The following KLB variants were observed in gnomAD, a reference collection of about 807,000 sequenced individuals.
KLB encodes beta-klotho.
KLB carries 44 observed loss-of-function variants against 88.4 expected under a neutral mutation model. The observed-to-expected ratio is 0.50, with a 90% CI of 0.39 to 0.64. The LOEUF (loss-of-function observed/expected upper bound fraction) is 0.64. KLB is among the 30% of genes least tolerant of loss of function. The pLI, the probability that KLB is intolerant of heterozygous loss-of-function variation, is 0.00. For missense variants in KLB, 1,137 were observed against 1,304.8 expected (o/e 0.87, Z 1.98); for synonymous variants, 548 against 513.4 (o/e 1.07, Z -0.91).
At chr4:39,436,781 C>T (rs1258643611) in intron 2 of KLB, among the ~76,000 whole-genome samples, 1 of 151,972 alleles carries the variant, frequency 6.6e-6, no homozygotes, top group Non-Finnish European at 1.5e-5. Flanking sequence ...ACAATCTTGG[C>T]TCACTGCAAT....
rs541494933 is a variant in KLB, at chr4:39,424,489, A to G, written c.826-9721A>G. ...CTAGGCTCCCTGACCCACCCAGGGC[A>G]TTTCTAGGGACGTAGGTAAGCAAGG... On this transcript the variant is annotated intron_variant, in intron 1 of 4. Coordinates refer to ENST00000257408, the MANE Select transcript of KLB (RefSeq NM_175737.4). 4.8e-4 allele frequency among the ~76,000 whole-genome samples: 73 copies of G among 151,832 alleles called. 1 individual carries two copies. The highest frequency in any genetic ancestry group is 1.6e-3 in the African/African-American group (64 of 41,134).
rs1466530389 is a variant in KLB, at chr4:39,446,647, C to G, written c.1921C>G (p.Leu641Val). Residue 641 changes from leucine to valine, a missense_variant, in exon 4 of 5, where the codon CTG (leucine) becomes GTG (valine). Coordinates refer to ENST00000257408, the MANE Select transcript of KLB (RefSeq NM_175737.4). The surrounding 1 kb of genome is among the most constrained non-coding windows in gnomAD (Gnocchi z 6.4). ...GCTTGGCATCTCCGCGATGGTCACC[C>G]TGTATTATCCGACCCACGCCCACCT... The part of the protein sequence containing the change: ...LKLGISAMVT[L>V]YYPTHAHLGL... 1 of 1,613,206 alleles carries G rather than the reference C, an allele frequency of 6.2e-7. No individual in the cohort carries two copies. The highest frequency in any genetic ancestry group is 8.5e-7 in the Non-Finnish European group (1 of 1,179,456).
Position 39,447,030 on chromosome 4 carries a change from G to T in KLB, c.2304G>T (p.Glu768Asp), listed in dbSNP as rs375388174. 6.2e-7 allele frequency: 1 copy of T among 1,611,686 alleles called. No individual in the cohort carries two copies. Among genetic ancestry groups the T allele is most frequent in the South Asian group, 1.1e-5 (1 of 91,080 alleles). Reference protein sequence around the residue: ...WRAAERFLQFEIAWFAEPLFK... With the variant: ...WRAAERFLQFDIAWFAEPLFK... ...CGGCCGAGCGCTTCCTGCAGTTCGA[G>T]ATCGCCTGGTTCGCCGAGCCGCTCT... Residue 768 changes from glutamate (E) to aspartate (D), a missense_variant, in exon 4 of 5, where the codon GAG becomes GAT. Glu to Asp is a conservative substitution (Grantham distance 45). Transcript: ENST00000257408.
At position 39,446,893 on chromosome 4, in the gene KLB, TG is replaced by T; in HGVS notation, c.2169del (p.Trp723CysfsTer64). 6.2e-7 allele frequency: 1 copy of T among 1,607,520 alleles called. No homozygotes were observed. The stretch of plus-strand genomic sequence containing the variant: ...CCTGCTGGTGGCCCACGCCCTGGCC[TG>T]GCGCCTCTACGACCGGCAGTTCAGG... Reference protein sequence around the residue: ...HNLLVAHALAWRLYDRQFRPS... With the variant: ...HNLLVAHALAXRLYDRQFRPS... On this transcript the variant is annotated frameshift_variant, in exon 4 of 5. Transcript: ENST00000257408. LOFTEE classifies it high-confidence loss of function. This position sits in a 1 kb window ranked among gnomAD's most constrained non-coding sequence, Gnocchi z 6.4.
intron 1 of KLB, among the ~76,000 whole-genome samples, chr4:39,429,028 G>C (rs933710945): frequency 2.0e-5 from 3 of 152,154 alleles, no homozygotes; most frequent in African/African-American, 7.2e-5. Flanking sequence ...TTTTAGCTGG[G>C]AAATATGTTT....
At chr4:39,443,589 C>A (rs1578214346) in intron 3 of KLB, among the ~76,000 whole-genome samples, 1 of 106,894 alleles carries the variant, frequency 9.4e-6, no homozygotes, top group Non-Finnish European at 1.9e-5. Flanking sequence ...AATCCTGTCT[C>A]TACAAAAAAA....
At chr4:39,433,669 G>A (rs1397483345) in intron 1 of KLB, among the ~76,000 whole-genome samples, 4 of 152,108 alleles carry the variant, frequency 2.6e-5, no homozygotes, top group African/African-American at 9.7e-5. Context: ...AGACCAGCCT[G>A]ACCAATATGG....
chr4:39,409,284 C>T (rs1304128555), intron 1 of KLB, among the ~76,000 whole-genome samples: 2 of 147,128 alleles, frequency 1.4e-5, no homozygotes, highest in Non-Finnish European at 3.0e-5. Flanking sequence ...TCATTTAGTC[C>T]TTTTAATTTT....
intron 1 of KLB, among the ~76,000 whole-genome samples, chr4:39,425,991 A>G (rs999954554): frequency 1.0e-4 from 15 of 145,126 alleles, no homozygotes; most frequent in African/African-American, 3.8e-4. Context: ...CTTGGCTCAC[A>G]CCTGTAATCC....
intron 1 of KLB, among the ~76,000 whole-genome samples, chr4:39,427,219 A>T (rs1410587485): frequency 6.6e-6 from 1 of 152,140 alleles, no homozygotes; most frequent in Non-Finnish European, 1.5e-5. Context: ...GCGGTGGTTC[A>T]TGCCTGTAAT....
At position 39,447,423 on chromosome 4, in the gene KLB, T is replaced by C. The variant is rs1358580598; in HGVS notation, c.2697T>C (p.Asp899=). The C allele has an allele frequency of 6.2e-7, 1 of 1,611,560 alleles. No homozygotes were observed. Among genetic ancestry groups the C allele is most frequent in the Non-Finnish European group, 8.5e-7 (1 of 1,178,846 alleles). The part of the protein sequence containing the change: ...ASGIDDQALE[D]DRLRKYYLGK... ...GCATCGACGACCAGGCTCTGGAGGA[T>C]GACCGGCTCCGGAAGTACTACCTAG... Residue 899 remains aspartate (D), a synonymous_variant, in exon 4 of 5, where the codon GAT becomes GAC. Coordinates refer to ENST00000257408, the MANE Select transcript of KLB (RefSeq NM_175737.4).
In KLB at chr4:39,445,896, C is replaced by G. The variant is rs138141724; in HGVS notation, c.1606-436C>G. On this transcript the variant is annotated intron_variant, in intron 3 of 4. Transcript: ENST00000257408. ...GTCATTGCCTACCCCACCGCACCAG[C>G]CTTTTTAAGGAATTGTGCCTGGGGT... Among the ~76,000 whole-genome samples, 430 of 152,184 alleles carry G rather than the reference C, an allele frequency of 2.8e-3. 2 individuals carry two copies. The highest frequency in any genetic ancestry group is 9.4e-3 in the African/African-American group (392 of 41,522).
At position 39,449,547 on chromosome 4, in the gene KLB, T is replaced by C. The variant is rs1743843079; in HGVS notation, c.*861T>C. The C allele has an allele frequency of 6.6e-6, 1 of 152,090 alleles. No individual in the cohort carries two copies. The highest frequency in any genetic ancestry group is 1.5e-5 in the Non-Finnish European group (1 of 68,024). The allele number at this position is 152,090 out of a possible 1,614,324, so 9.4% of individuals were successfully genotyped here. A position where few individuals can be genotyped will look rare whatever the true frequency, so the allele number is the denominator to read the frequency against. On this transcript the variant is annotated 3_prime_UTR_variant, in exon 5 of 5. Transcript: ENST00000257408. ...TTACAACACAGACTCTTAAAGAGGA[T>C]CAAGCCCTTCATTTTTCTAACAACA...
At chr4:39,443,422 T>C (rs1743658054) in intron 3 of KLB, among the ~76,000 whole-genome samples, 1 of 151,688 alleles carries the variant, frequency 6.6e-6, no homozygotes, top group African/African-American at 2.4e-5. Context: ...ATGTGCCATA[T>C]GGTAACTTTT....
intron 1 of KLB, among the ~76,000 whole-genome samples, chr4:39,412,478 C>T (rs540008067): frequency 3.3e-5 from 5 of 152,292 alleles, no homozygotes; most frequent in Middle Eastern, 6.8e-3. Context: ...TGGCCACTCT[C>T]CCATCCTCTT....
chr4:39,410,882 G>A (rs1011019126), intron 1 of KLB, among the ~76,000 whole-genome samples: 4 of 152,140 alleles, frequency 2.6e-5, no homozygotes, highest in Non-Finnish European at 5.9e-5. Context: ...GGTTTGAAAT[G>A]TTCCCATTTG....
At chr4:39,442,544 C>T (rs1378650045) in intron 3 of KLB, among the ~76,000 whole-genome samples, 1 of 151,860 alleles carries the variant, frequency 6.6e-6, no homozygotes, top group Non-Finnish European at 1.5e-5. Flanking sequence ...AGAGATTCCC[C>T]TGCCTCAGCC....
At position 39,434,241 on chromosome 4, in the gene KLB, C is replaced by T; in HGVS notation, c.857C>T (p.Thr286Ile). The T allele has an allele frequency of 6.2e-7, 1 of 1,611,872 alleles. No individual in the cohort carries two copies. The highest frequency in any genetic ancestry group is 8.5e-7 in the Non-Finnish European group (1 of 1,178,976). Reference protein sequence around the residue: ...AHSKVWHNYNTHFRPHQKGWL... With the variant: ...AHSKVWHNYNIHFRPHQKGWL... ...TCGAAAGTTTGGCATAACTACAACA[C>T]ACATTTCCGCCCACATCAGAAGGGT... The change falls in exon 2 of 5, where the codon ACA becomes ATA. Residue 286 changes from threonine (T) to isoleucine (I), a missense_variant. Around this residue, in one of 4 missense-constraint regions of KLB, gnomAD observed 597 missense variants for 765.2 expected, o/e 0.78. Coordinates refer to ENST00000257408, the MANE Select transcript of KLB (RefSeq NM_175737.4).
rs1743430252 is a variant in KLB, at chr4:39,434,569, T to C, written c.1185T>C (p.Asn395=). 1 of 1,614,010 alleles carries C rather than the reference T, an allele frequency of 6.2e-7. No individual in the cohort carries two copies. Among genetic ancestry groups the C allele is most frequent in the South Asian group, 1.1e-5 (1 of 91,086 alleles). ...AAATGGGACAAAATGTTTCACTTAA[T>C]TTAAGAGAAGCGCTGAACTGGATTA... ...MAKMGQNVSL[N]LREALNWIKL... is the part of the protein sequence containing the mutation. Residue 395 remains asparagine (N), a synonymous_variant, in exon 2 of 5, where the codon AAT becomes AAC. Coordinates refer to ENST00000257408, the MANE Select transcript of KLB (RefSeq NM_175737.4).
Sources: gnomAD v4.1 joint callset for allele counts (sites outside exome capture counted in the v4.1 genomes callset) on GRCh38, gnomAD v4.1.1 for gene constraint, gnomAD v4.1.1 regional missense constraint, Gnocchi (gnomAD v3.1) non-coding constraint, MANE v1.5 for transcripts, NCBI Gene and HGNC (gene_info 2026-07-23, HGNC 2026-07-21) for gene names.